Variants in PARD3B observed in about 807,000 individuals in gnomAD.
PARD3B encodes par-3 family cell polarity regulator beta.
PARD3B carries 103 observed loss-of-function variants against 130.2 expected under a neutral mutation model. The ratio of observed to expected loss-of-function variants is 0.79; its 90% CI spans 0.67 to 0.93. The LOEUF is 0.93. PARD3B is among the 40% of genes least tolerant of loss of function. The pLI is 0.00. For synonymous variants in PARD3B, 583 were observed against 553.2 expected, an observed-to-expected ratio of 1.05 and a Z score of -0.76; for missense variants, 1,609 against 1,499.2, an observed-to-expected ratio of 1.07 and a Z score of -1.21.
intron 20 of PARD3B, among the ~76,000 whole-genome samples, chr2:205,442,934 G>A (rs1344039550): frequency 6.6e-6 from 1 of 152,122 alleles, no homozygotes; most frequent in Non-Finnish European, 1.5e-5. Context: ...ATCTAAAGCT[G>A]CTTTCAATAG....
chr2:204,814,714 T>C (rs2043085104), intron 2 of PARD3B, among the ~76,000 whole-genome samples: 1 of 151,820 alleles, frequency 6.6e-6, no homozygotes, highest in Non-Finnish European at 1.5e-5. Context: ...ATGGATCCCT[T>C]TTTCCAGTTT....
rs1027373742 is a variant in PARD3B, at chr2:205,265,144, C to T, written c.2185+19322C>T. On this transcript the variant is annotated intron_variant, in intron 16 of 22. Transcript: ENST00000406610. The surrounding 1 kb of genome is among the most constrained non-coding windows in gnomAD (Gnocchi z 4.3). ...TCATTTTTTAGGCAAGAATGGTAATCGGTTCTGTTCTATTAGCCTCAGTGG... is the reference window on the plus strand; with the variant it reads ...TCATTTTTTAGGCAAGAATGGTAATTGGTTCTGTTCTATTAGCCTCAGTGG... Among the ~76,000 whole-genome samples the T allele has an allele frequency of 9.9e-5, 15 of 151,952 alleles. No individual in the cohort carries two copies. Among genetic ancestry groups the T allele is most frequent in the African/African-American group, 3.1e-4 (13 of 41,394 alleles).
intron 2 of PARD3B, among the ~76,000 whole-genome samples, chr2:204,736,570 G>A (rs1288967801): frequency 2.0e-5 from 3 of 152,014 alleles, no homozygotes; most frequent in African/African-American, 7.3e-5. Context: ...TTAGAATACT[G>A]TCCTCTAGCT....
intron 1 of PARD3B, among the ~76,000 whole-genome samples, chr2:204,628,752 A>G (rs1473373428): frequency 6.6e-6 from 1 of 152,166 alleles, no homozygotes; most frequent in Non-Finnish European, 1.5e-5. Flanking sequence ...TTGCCTTTGA[A>G]CATTGTTCTT....
chr2:205,372,630 T>C (rs993151991), intron 18 of PARD3B, among the ~76,000 whole-genome samples: 7 of 152,218 alleles, frequency 4.6e-5, no homozygotes, highest in Non-Finnish European at 8.8e-5. Flanking sequence ...TCTAATATTC[T>C]TATCTACTAA....
At chr2:204,961,432 G>A (rs1690737446) in intron 2 of PARD3B, among the ~76,000 whole-genome samples, 1 of 152,066 alleles carries the variant, frequency 6.6e-6, no homozygotes, top group Admixed American at 6.6e-5. Flanking sequence ...CAACTTAGAA[G>A]GATGAATTGC....
At chr2:204,749,175 A>G (rs1052648121) in intron 2 of PARD3B, among the ~76,000 whole-genome samples, 1 of 152,068 alleles carries the variant, frequency 6.6e-6, no homozygotes, top group Non-Finnish European at 1.5e-5. Flanking sequence ...TGGTAATACC[A>G]CCGAGGGCTA....
At chr2:204,699,782 T>C (rs911233925) in intron 2 of PARD3B, among the ~76,000 whole-genome samples, 2 of 152,006 alleles carry the variant, frequency 1.3e-5, no homozygotes, top group African/African-American at 4.8e-5. Context: ...ATTTCCCAAA[T>C]GGAAATAAGG....
At chr2:205,535,064 C>G (rs962684267) in intron 21 of PARD3B, among the ~76,000 whole-genome samples, 1 of 152,098 alleles carries the variant, frequency 6.6e-6, no homozygotes, top group East Asian at 1.9e-4. Flanking sequence ...TTGCATCTCT[C>G]TTAGCTCTAC....
intron 16 of PARD3B, among the ~76,000 whole-genome samples, chr2:205,248,718 C>T (rs554872140): frequency 8.7e-5 from 13 of 150,176 alleles, no homozygotes; most frequent in African/African-American, 2.7e-4. Context: ...GCCATTTCTC[C>T]TGCCTCAGCC....
At chr2:204,895,526 C>A (rs1317680446) in intron 2 of PARD3B, among the ~76,000 whole-genome samples, 1 of 151,962 alleles carries the variant, frequency 6.6e-6, no homozygotes, top group Non-Finnish European at 1.5e-5. Context: ...ATTCTATGAA[C>A]ATTTATACTA....
At chr2:205,017,093 G>C (rs1696206074) in intron 3 of PARD3B, among the ~76,000 whole-genome samples, 1 of 152,120 alleles carries the variant, frequency 6.6e-6, no homozygotes, top group Admixed American at 6.5e-5. Context: ...ATGCATTATG[G>C]TTTGACGAAA....
At chr2:205,275,767 G>T (rs1024480694) in intron 16 of PARD3B, among the ~76,000 whole-genome samples, 2 of 150,166 alleles carry the variant, frequency 1.3e-5, no homozygotes, top group African/African-American at 4.9e-5. Context: ...AACCTGGGAG[G>T]CGGAGGTTGC....
At chr2:205,069,661 AC>A (rs1251553252) in intron 4 of PARD3B, among the ~76,000 whole-genome samples, 1 of 152,056 alleles carries the variant, frequency 6.6e-6, no homozygotes, top group African/African-American at 2.4e-5. Flanking sequence ...CTGTGGTCTT[AC>A]CCTGGGTTGT....
intron 20 of PARD3B, among the ~76,000 whole-genome samples, chr2:205,472,469 T>C (rs1225404670): frequency 6.6e-6 from 1 of 152,200 alleles, no homozygotes; most frequent in Non-Finnish European, 1.5e-5. Flanking sequence ...AGTTTTATGA[T>C]AATAAATACT....
chr2:205,458,698 G>A lies in PARD3B; in HGVS notation c.3044+18026G>A, dbSNP rs553590740. Among the ~76,000 whole-genome samples, 2 of 151,998 alleles carry A rather than the reference G, an allele frequency of 1.3e-5. No individual in the cohort carries two copies. Among genetic ancestry groups the A allele is most frequent in the African/African-American group, 4.8e-5 (2 of 41,378 alleles). Reference sequence around the variant, plus strand: ...AATAATGTCACTATCTGAACTGTGGGTCTGTTCATATTGTTTGATTTTCTT... The same window carrying A: ...AATAATGTCACTATCTGAACTGTGGATCTGTTCATATTGTTTGATTTTCTT... On this transcript the variant is annotated intron_variant, in intron 20 of 22. Coordinates refer to ENST00000406610, the MANE Select transcript of PARD3B (RefSeq NM_001302769.2). This position sits in a 1 kb window ranked among gnomAD's most constrained non-coding sequence, Gnocchi z 4.8.
intron 19 of PARD3B, among the ~76,000 whole-genome samples, chr2:205,432,813 T>C (rs1051916986): frequency 6.6e-6 from 1 of 152,118 alleles, no homozygotes; most frequent in Non-Finnish European, 1.5e-5. Context: ...CAAAAACTCC[T>C]ACTACCTCTT....
chr2:204,648,187 A>C (rs768107840), intron 1 of PARD3B, among the ~76,000 whole-genome samples: 6 of 151,734 alleles, frequency 4.0e-5, no homozygotes, highest in Non-Finnish European at 8.9e-5. Context: ...ATAAATAGGT[A>C]CTTAATACAT....
chr2:205,393,363 A>G (rs1230339163), intron 18 of PARD3B, among the ~76,000 whole-genome samples: 1 of 152,190 alleles, frequency 6.6e-6, no homozygotes, highest in South Asian at 2.1e-4. Flanking sequence ...TACAGAGTGG[A>G]CAAACAATCA....
Sources: gnomAD v4.1 joint callset for allele counts (sites outside exome capture counted in the v4.1 genomes callset) on GRCh38, gnomAD v4.1.1 for gene constraint, Gnocchi (gnomAD v3.1) non-coding constraint, MANE v1.5 for transcripts, NCBI Gene and HGNC (gene_info 2026-07-23, HGNC 2026-07-21) for gene names.